The following OCM2 variants were observed in gnomAD, a reference collection of about 807,000 sequenced individuals.
OCM2 encodes the protein oncomodulin-2.
OCM2 carries 6 observed loss-of-function variants against 13.6 expected under a neutral mutation model. The ratio of observed to expected loss-of-function variants is 0.44; its 90% CI spans 0.24 to 0.87. The LOEUF is 0.87. Ranked by LOEUF, OCM2 falls within the 40% of genes least tolerant of loss-of-function variation. The pLI is 0.22. For missense variants in OCM2, 118 were observed against 136.8 expected (o/e 0.86, Z 0.68); for synonymous variants, 40 against 50.7 (o/e 0.79, Z 0.90).
At chr7:97,987,087 A>T in exon 3 of OCM2, 2 of 1,613,828 alleles carry the variant, frequency 1.2e-6, no homozygotes, top group Non-Finnish European at 8.5e-7. Flanking sequence ...TATCCGCCGC[A>T]GCCATCAAGG....
At chr7:97,989,711 C>A (rs1794712571) in intron 1 of OCM2, among the ~76,000 whole-genome samples, 1 of 149,122 alleles carries the variant, frequency 6.7e-6, no homozygotes, top group East Asian at 2.0e-4. Context: ...GCCTGGTCTA[C>A]ATTTTTTTTT....
At chr7:97,990,075 A>G (rs13312236) in exon 1 of OCM2, 1 of 1,609,888 alleles carries the variant, frequency 6.2e-7, no homozygotes, top group Non-Finnish European at 8.5e-7. Flanking sequence ...CTGCAATGTC[A>G]TCAGCACTGA....
intron 1 of OCM2, among the ~76,000 whole-genome samples, chr7:97,989,206 C>T (rs1794705010): frequency 6.6e-6 from 1 of 151,944 alleles, no homozygotes; most frequent in African/African-American, 2.4e-5. Context: ...GCTGGGATTA[C>T]AGGTGTGAGC....
intron 3 of OCM2, among the ~76,000 whole-genome samples, chr7:97,985,434 A>G (rs1397332231): frequency 7.8e-6 from 1 of 127,650 alleles, no homozygotes; most frequent in African/African-American, 2.8e-5. Context: ...AAAAAAAAAA[A>G]GAAAGAAAGA....
At chr7:97,990,019 C>CCCCCCCCCCCCCG in intron 1 of OCM2, 25 bp downstream of exon 1, 1 of 1,130,650 alleles carries the variant, frequency 8.8e-7, no homozygotes, top group Non-Finnish European at 1.3e-6. Context: ...GAGGAAATCC[C>CCCCCCCCCCCCCG]ACCCCCGCCC....
exon 2 of OCM2, chr7:97,988,476 T>G (rs759070359): frequency 5.0e-6 from 8 of 1,614,078 alleles, no homozygotes; most frequent in Non-Finnish European, 5.9e-6. Flanking sequence ...GAAAACATCC[T>G]TCACCTGACT....
In OCM2 at chr7:97,985,205, C is replaced by T. The variant is rs183745037; in HGVS notation, c.305-222G>A. Reference sequence around the variant, plus strand: ...GGAGGCCGAAGCGGGTGGATCATGACATCATGAGATCGAAACCATCCTGGC... The same window carrying T: ...GGAGGCCGAAGCGGGTGGATCATGATATCATGAGATCGAAACCATCCTGGC... On this transcript the variant is annotated intron_variant, in intron 3 of 3. Coordinates refer to ENST00000257627, the Ensembl canonical transcript of OCM2. Among the ~76,000 whole-genome samples the T allele has an allele frequency of 3.3e-5, 5 of 152,160 alleles. No individual in the cohort carries two copies. The East Asian group carries it at 9.7e-4, about 29-fold the overall frequency.
At chr7:97,986,001 C>T (rs1324754937) in intron 3 of OCM2, among the ~76,000 whole-genome samples, 1 of 152,118 alleles carries the variant, frequency 6.6e-6, no homozygotes, top group East Asian at 1.9e-4. Flanking sequence ...CAACCTCTGC[C>T]TCCCAGGTTC....
intron 3 of OCM2, among the ~76,000 whole-genome samples, chr7:97,985,481 A>G (rs1225043696): frequency 1.3e-5 from 2 of 151,822 alleles, no homozygotes; most frequent in African/African-American, 2.4e-5. Flanking sequence ...ATCAATGACT[A>G]TATCTCAAGG....
rs569459508 is a variant in OCM2 at position 97,986,694 on chromosome 7, CA to C, written c.304+352del. ...AATCTTTCCCTTATTCTGAGGGGTT[CA>C]AACCCCACTGGTAGAAATACCTCGC... On this transcript the variant is annotated intron_variant, in intron 3 of 3. Coordinates refer to ENST00000257627, the Ensembl canonical transcript of OCM2. Among the ~76,000 whole-genome samples, 4 of 152,272 alleles carry C rather than the reference CA, an allele frequency of 2.6e-5. No homozygotes were observed. In the East Asian group the frequency reaches 7.7e-4, roughly 29 times the overall value.
chr7:97,987,081 C>T lies in OCM2; in HGVS notation c.270G>A (p.Ala90=), dbSNP rs537407606. The stretch of plus-strand genomic sequence containing the variant: ...CAATTTTCCCATCTCCATCATTATC[C>T]GCCGCAGCCATCAAGGACTTGGTTT... Residue 90 remains alanine (A), a synonymous_variant, in exon 3 of 4, where the codon GCG becomes GCA. Coordinates refer to ENST00000257627, the Ensembl canonical transcript of OCM2. The T allele has an allele frequency of 9.3e-6, 15 of 1,613,680 alleles. No individual in the cohort carries two copies. The South Asian group carries it at 9.9e-5, about 11-fold the overall frequency.
At chr7:97,986,832 AC>A (rs2116136142) in intron 3 of OCM2, among the ~76,000 whole-genome samples, 1 of 152,274 alleles carries the variant, frequency 6.6e-6, no homozygotes, top group Admixed American at 6.5e-5. Flanking sequence ...GACCAGTGTG[AC>A]CAGCTTCTAT....
chr7:97,985,808 T>G (rs1020756217), intron 3 of OCM2, among the ~76,000 whole-genome samples: 1 of 152,206 alleles, frequency 6.6e-6, no homozygotes, highest in African/African-American at 2.4e-5. Context: ...ATAATAGTAA[T>G]AATAACAAGG....
intron 3 of OCM2, among the ~76,000 whole-genome samples, chr7:97,986,437 T>C (rs1165807807): frequency 1.3e-5 from 2 of 152,120 alleles, no homozygotes; most frequent in East Asian, 1.9e-4. Context: ...AAAAGCATGC[T>C]AGCAACATGA....
intron 3 of OCM2, among the ~76,000 whole-genome samples, chr7:97,985,702 G>A (rs1447353980): frequency 1.3e-5 from 2 of 152,056 alleles, no homozygotes; most frequent in Non-Finnish European, 2.9e-5. Flanking sequence ...CTGTAGCTGG[G>A]TATTGCATTT....
chr7:97,989,841 T>G (rs34556006), intron 1 of OCM2, among the ~76,000 whole-genome samples: 18,037 of 150,544 alleles, frequency 0.12, 1,333 homozygotes, highest in African/African-American at 0.22. Context: ...TGTATTTTTA[T>G]TAGAGATGGG....
exon 1 of OCM2, chr7:97,990,055 T>C (rs1281588091): frequency 8.1e-7 from 1 of 1,240,492 alleles, no homozygotes; most frequent in Non-Finnish European, 1.1e-6. Flanking sequence ...TTGGCATTCC[T>C]GGAGCGCTGC....
exon 2 of OCM2, chr7:97,988,468 A>C: frequency 6.2e-7 from 1 of 1,614,136 alleles, no homozygotes; most frequent in Non-Finnish European, 8.5e-7. Context: ...ATGAACCGGA[A>C]AACATCCTTC....
intron 2 of OCM2, 152 bp from the exon 3 acceptor site, chr7:97,987,308 A>G: frequency 1.2e-6 from 1 of 847,786 alleles, no homozygotes; most frequent in South Asian, 1.8e-5. Context: ...TAAGCTGTAG[A>G]AACCAATGGT....
Sources: gnomAD v4.1 joint callset for allele counts (sites outside exome capture counted in the v4.1 genomes callset) on GRCh38, gnomAD v4.1.1 for gene constraint, MANE v1.5 for transcripts, NCBI Gene and HGNC (gene_info 2026-07-23, HGNC 2026-07-21) for gene names.